CLVS1: variants seen among roughly 807,000 people sequenced by gnomAD.
CLVS1 encodes clavesin-1.
A neutral mutation model predicts 33.1 loss-of-function variants in CLVS1; 10 were observed. That is an observed-to-expected ratio of 0.30 (90% CI 0.19 to 0.51). The LOEUF is 0.51. CLVS1 is among the 20% of genes least tolerant of loss of function. The pLI is 0.97. For missense variants in CLVS1, 343 were observed against 433.4 expected (o/e 0.79, Z 1.85); for synonymous variants, 163 against 166.1 (o/e 0.98, Z 0.14).
chr8:61,140,512 C>T (rs1177306855), intron 2 of CLVS1, among the ~76,000 whole-genome samples: 1 of 152,150 alleles, frequency 6.6e-6, no homozygotes, highest in Non-Finnish European at 1.5e-5. Flanking sequence ...GAACCCAAAG[C>T]ATATTTAGGA....
intron 3 of CLVS1, among the ~76,000 whole-genome samples, chr8:61,395,362 T>A (rs189363200): frequency 4.6e-5 from 7 of 152,316 alleles, no homozygotes; most frequent in Admixed American, 2.0e-4. Flanking sequence ...TCAGCTAGAC[T>A]GGAGGAATAA....
intron 2 of CLVS1, among the ~76,000 whole-genome samples, chr8:61,188,434 T>A (rs984312202): frequency 1.3e-5 from 2 of 151,974 alleles, no homozygotes; most frequent in African/African-American, 4.8e-5. Flanking sequence ...GACAACCTAA[T>A]AACAGACAAC....
intron 2 of CLVS1, chr8:61,370,705 C>G (rs895058866): frequency 1.3e-5 from 2 of 152,088 alleles, no homozygotes; most frequent in African/African-American, 4.8e-5. Context: ...CATTCTTATA[C>G]CTTTGCATCC....
chr8:61,144,691 T>G (rs1806380305), intron 2 of CLVS1, among the ~76,000 whole-genome samples: 3 of 152,354 alleles, frequency 2.0e-5, no homozygotes, highest in Admixed American at 2.0e-4. Context: ...AAAGCATTCC[T>G]ATATCTCCAC....
chr8:61,372,881 AG>A (rs1226095677), intron 2 of CLVS1, among the ~76,000 whole-genome samples: 1 of 152,180 alleles, frequency 6.6e-6, no homozygotes. Context: ...TCATCACCTT[AG>A]GAAGAATAAA....
the CLVS1 span, among the ~76,000 whole-genome samples, chr8:61,004,001 C>T: frequency 1.3e-5 from 2 of 152,164 alleles, no homozygotes; most frequent in Non-Finnish European, 2.9e-5. Flanking sequence ...GGCATTTGAG[C>T]AGGGATCTGA....
intron 3 of CLVS1, among the ~76,000 whole-genome samples, chr8:61,419,454 T>C (rs1185439605): frequency 8.0e-6 from 1 of 124,342 alleles, no homozygotes; most frequent in Non-Finnish European, 1.7e-5. Context: ...AGAAAGAAAA[T>C]AATGAGGGAA....
chr8:61,246,820 T>C (rs970120224), intron 2 of CLVS1, among the ~76,000 whole-genome samples: 1 of 152,174 alleles, frequency 6.6e-6, no homozygotes, highest in Non-Finnish European at 1.5e-5. Flanking sequence ...AAAAATTTAT[T>C]TTAGGTTTGG....
chr8:61,288,204 G>C (rs1235299478), intron 1 of CLVS1, 66 bp downstream of exon 1: 2 of 455,992 alleles, frequency 4.4e-6, no homozygotes, highest in Non-Finnish European at 8.8e-6. Flanking sequence ...CCGCTCTTTC[G>C]ATGCCATGGC....
intron 3 of CLVS1, among the ~76,000 whole-genome samples, chr8:61,453,151 G>C (rs150422984): frequency 2.3e-4 from 35 of 151,754 alleles, no homozygotes; most frequent in African/African-American, 8.5e-4. Flanking sequence ...CAATGAAATT[G>C]ATAGCAAACT....
intron 5 of CLVS1, among the ~76,000 whole-genome samples, chr8:61,476,680 A>C (rs1817947275): frequency 6.6e-6 from 1 of 152,188 alleles, no homozygotes; most frequent in South Asian, 2.1e-4. Flanking sequence ...TTGCTTATCA[A>C]CTTAAGGAGA....
Position 61,458,298 on chromosome 8 carries a change from T to A in CLVS1, c.742-9T>A. The A allele has an allele frequency of 1.3e-6, 2 of 1,598,086 alleles. No homozygotes were observed. Among genetic ancestry groups the A allele is most frequent in the Non-Finnish European group, 1.7e-6 (2 of 1,168,800 alleles). ...TTGTATTGCTAATTACTTTTTGTTT[T>A]CTTTACAGATTTTCCTGCATGGAAA... On this transcript the variant is annotated splice_polypyrimidine_tract_variant and intron_variant, in intron 4 of 5. Transcript: ENST00000325897.
intron 3 of CLVS1, among the ~76,000 whole-genome samples, chr8:61,421,584 A>C (rs1374809601): frequency 6.6e-6 from 1 of 152,176 alleles, no homozygotes; most frequent in Non-Finnish European, 1.5e-5. Context: ...TAAATTTTTC[A>C]ATTTATCATT....
intron 2 of CLVS1, among the ~76,000 whole-genome samples, chr8:61,249,998 T>C (rs754620290): frequency 6.6e-6 from 1 of 152,222 alleles, no homozygotes; most frequent in African/African-American, 2.4e-5. Context: ...CCCATGCCTA[T>C]GTCCTGTAGG....
At position 61,439,140 on chromosome 8, in the gene CLVS1, C is replaced by G. The variant is rs181890949; in HGVS notation, c.631-15001C>G. Among the ~76,000 whole-genome samples, 463 of 152,282 alleles carry G rather than the reference C, an allele frequency of 3.0e-3. 1 individual carries two copies. Among genetic ancestry groups the G allele is most frequent in the Non-Finnish European group, 5.2e-3 (352 of 68,008 alleles). ...GACACCATGATCTTATGAGTTTAAG[C>G]ACTAACTGGCAGGTTGCATCATATG... On this transcript the variant is annotated intron_variant, in intron 3 of 5. Coordinates refer to ENST00000325897, the MANE Select transcript of CLVS1 (RefSeq NM_173519.3).
At chr8:61,464,088 CAA>C (rs34442006) in intron 5 of CLVS1, among the ~76,000 whole-genome samples, 663 of 117,878 alleles carry the variant, frequency 5.6e-3, no homozygotes, top group Middle Eastern at 0.017. Context: ...GACTCTGTCT[CAA>C]AAAAAAAAAA....
chr8:61,430,474 C>T (rs1016590658), intron 3 of CLVS1, among the ~76,000 whole-genome samples: 8 of 152,274 alleles, frequency 5.3e-5, no homozygotes, highest in African/African-American at 1.9e-4. Context: ...ACTTGTCTTC[C>T]ATGTCCAAGT....
At chr8:61,164,710 C>T (rs977000656) in intron 2 of CLVS1, among the ~76,000 whole-genome samples, 2 of 152,190 alleles carry the variant, frequency 1.3e-5, no homozygotes, top group South Asian at 2.1e-4. Context: ...TCTCCCCCCA[C>T]ACACGAGGTT....
chr8:61,375,055 T>G (rs1428488776), intron 2 of CLVS1, among the ~76,000 whole-genome samples: 3 of 152,118 alleles, frequency 2.0e-5, no homozygotes, highest in Admixed American at 2.0e-4. Flanking sequence ...ATCCCGAGCC[T>G]TCATCCCTCC....
Sources: gnomAD v4.1 joint callset for allele counts (sites outside exome capture counted in the v4.1 genomes callset) on GRCh38, gnomAD v4.1.1 for gene constraint, MANE v1.5 for transcripts, NCBI Gene and HGNC (gene_info 2026-07-23, HGNC 2026-07-21) for gene names.